PARN: variants seen among roughly 807,000 people sequenced by gnomAD.
PARN encodes poly(A)-specific ribonuclease.
Under a neutral mutation model 102.8 loss-of-function variants are expected in PARN, and 71 were observed. That is an observed-to-expected ratio of 0.69 (90% CI 0.57 to 0.84). The LOEUF is 0.84. Ranked by LOEUF, PARN falls within the 40% of genes least tolerant of loss-of-function variation. The probability of loss-of-function intolerance (pLI) is 0.00; values close to 1 mark genes in which losing one functional copy is unlikely to be tolerated. For missense variants in PARN, 782 were observed against 760.9 expected, an observed-to-expected ratio of 1.03 and a Z score of -0.33; for synonymous variants, 261 against 252.9, an observed-to-expected ratio of 1.03 and a Z score of -0.30.
intron 21 of PARN, among the ~76,000 whole-genome samples, chr16:14,545,306 G>A (rs1966878650): frequency 6.6e-6 from 1 of 152,142 alleles, no homozygotes; most frequent in African/African-American, 2.4e-5. Context: ...GGAAATTCTG[G>A]TAAATTTAAG....
At chr16:14,576,614 T>C (rs753957853) in intron 18 of PARN, among the ~76,000 whole-genome samples, 2 of 152,240 alleles carry the variant, frequency 1.3e-5, no homozygotes, top group Non-Finnish European at 2.9e-5. Context: ...AAGTTTGGTT[T>C]TCAATGCATT....
intron 18 of PARN, among the ~76,000 whole-genome samples, chr16:14,569,756 C>T (rs1054257391): frequency 3.9e-5 from 6 of 151,994 alleles, no homozygotes; most frequent in Admixed American, 3.9e-4. Flanking sequence ...TTAGAGGTAA[C>T]CAGGAGCTGA....
chr16:14,582,193 C>T lies in PARN; in HGVS notation c.1180G>A (p.Ala394Thr), dbSNP rs1969573918. ...ATGTAATGCGTACCTAGGTAATTGG[C>T]CATGGAGATGAAGCACAGCCCTGTG... ...YITGLCFISM[A>T]NYLGSFLSPP... The change falls in exon 17 of 24, where the codon GCC becomes ACC. Residue 394 changes from alanine to threonine, a missense_variant. Coordinates refer to ENST00000437198, the MANE Select transcript of PARN (RefSeq NM_002582.4). The T allele has an allele frequency of 1.9e-6, 3 of 1,603,090 alleles. No individual in the cohort carries two copies. The highest frequency in any genetic ancestry group is 2.6e-6 in the Non-Finnish European group (3 of 1,169,900).
intron 7 of PARN, among the ~76,000 whole-genome samples, chr16:14,609,470 C>T (rs1012198161): frequency 2.6e-5 from 4 of 152,004 alleles, no homozygotes; most frequent in African/African-American, 9.7e-5. Flanking sequence ...ACTCCAGAAG[C>T]GGAGGTGGGA....
intron 13 of PARN, among the ~76,000 whole-genome samples, chr16:14,591,090 A>G (rs760980269): frequency 7.2e-5 from 11 of 152,030 alleles, no homozygotes; most frequent in Non-Finnish European, 1.5e-4. Flanking sequence ...TCTCTATTTT[A>G]TTAAAAAGAT....
chr16:14,560,883 C>T (rs1429936667), intron 18 of PARN, among the ~76,000 whole-genome samples: 2 of 152,210 alleles, frequency 1.3e-5, no homozygotes, highest in Non-Finnish European at 2.9e-5. Flanking sequence ...AGGCCGGGCG[C>T]GGTGGCTCAC....
chr16:14,456,198 C>G (rs979351079), intron 22 of PARN, among the ~76,000 whole-genome samples: 2 of 150,338 alleles, frequency 1.3e-5, no homozygotes, highest in African/African-American at 4.9e-5. Context: ...CTGATGGGGT[C>G]TGGCTCTCTC....
At chr16:14,532,829 C>T (rs568482290) in intron 21 of PARN, among the ~76,000 whole-genome samples, 12 of 150,050 alleles carry the variant, frequency 8.0e-5, no homozygotes, top group Admixed American at 2.7e-4. Context: ...ACCTCCCTCC[C>T]GGACGGGGTG....
intron 21 of PARN, among the ~76,000 whole-genome samples, chr16:14,539,837 G>A (rs945376091): frequency 2.6e-5 from 4 of 152,108 alleles, no homozygotes; most frequent in African/African-American, 7.2e-5. Context: ...CGACTCAGAT[G>A]GAAAATATTT....
intron 10 of PARN, among the ~76,000 whole-genome samples, chr16:14,605,563 T>C (rs1971128905): frequency 6.6e-6 from 1 of 152,230 alleles, no homozygotes; most frequent in Non-Finnish European, 1.5e-5. Context: ...AAACTCTGGA[T>C]TTTCTGCCAA....
chr16:14,610,062 T>C (rs1238414783), intron 7 of PARN, among the ~76,000 whole-genome samples: 1 of 151,798 alleles, frequency 6.6e-6, no homozygotes, highest in Admixed American at 6.6e-5. Context: ...AAAAATAAAA[T>C]AAAATAAAAA....
At chr16:14,604,539 G>C (rs144193959) in intron 10 of PARN, among the ~76,000 whole-genome samples, 2 of 152,186 alleles carry the variant, frequency 1.3e-5, no homozygotes, top group East Asian at 3.9e-4. Flanking sequence ...GGGATTACAG[G>C]TGTGAGCCAC....
chr16:14,463,830 T>G (rs990490256), intron 22 of PARN, among the ~76,000 whole-genome samples: 4 of 112,772 alleles, frequency 3.5e-5, no homozygotes, highest in Non-Finnish European at 6.1e-5. Context: ...AGTCCAAACT[T>G]TTTTTTTTGG....
chr16:14,477,637 G>C (rs560407429), intron 22 of PARN, among the ~76,000 whole-genome samples: 1 of 148,608 alleles, frequency 6.7e-6, no homozygotes, highest in African/African-American at 2.5e-5. Context: ...AAATTAGCTG[G>C]GTATGGTGGT....
In PARN at chr16:14,570,321, C is replaced by CA. The variant is rs59965954; in HGVS notation, c.1262+10552dup. Reference sequence around the variant, plus strand: ...TAGGTGGCAGAGCGAGACTCTGTCTCAAAAAAAAAAAAAAAAAAAAAAAAA... The same window carrying CA: ...TAGGTGGCAGAGCGAGACTCTGTCTCAAAAAAAAAAAAAAAAAAAAAAAAAA... On this transcript the variant is annotated intron_variant, in intron 18 of 23. Coordinates refer to ENST00000437198, the MANE Select transcript of PARN (RefSeq NM_002582.4). Among the ~76,000 whole-genome samples, 124 of 63,052 alleles carry CA rather than the reference C, an allele frequency of 2.0e-3. 5 individuals carry two copies. Among genetic ancestry groups the CA allele is most frequent in the East Asian group, 6.7e-3 (11 of 1,646 alleles). 41.4% of individuals were successfully genotyped at this position (63,052 alleles called of 152,430 possible). A position where few individuals can be genotyped will look rare whatever the true frequency, so the allele number is the denominator to read the frequency against.
At chr16:14,547,791 G>C (rs969530607) in intron 21 of PARN, among the ~76,000 whole-genome samples, 3 of 151,790 alleles carry the variant, frequency 2.0e-5, no homozygotes, top group African/African-American at 7.3e-5. Flanking sequence ...CAGTTAAAAA[G>C]CAACTCCTTA....
intron 6 of PARN, among the ~76,000 whole-genome samples, chr16:14,613,262 T>C (rs1054399288): frequency 2.0e-5 from 3 of 148,504 alleles, no homozygotes; most frequent in Middle Eastern, 3.3e-3. Flanking sequence ...TGAGTCAAGA[T>C]TGCACCATTC....
intron 6 of PARN, among the ~76,000 whole-genome samples, chr16:14,617,066 T>C (rs1971950553): frequency 6.7e-6 from 1 of 149,504 alleles, no homozygotes; most frequent in Admixed American, 6.7e-5. Context: ...TTATGTTTTT[T>C]GTTTTTTTTT....
At chr16:14,485,082 T>C (rs1321526104) in intron 21 of PARN, among the ~76,000 whole-genome samples, 1 of 152,156 alleles carries the variant, frequency 6.6e-6, no homozygotes, top group Non-Finnish European at 1.5e-5. Context: ...AGAATGTTCA[T>C]ATTATACAAT....
Sources: allele counts gnomAD v4.1 joint callset (sites outside exome capture counted in the v4.1 genomes callset), GRCh38; gene constraint gnomAD v4.1.1; transcripts MANE v1.5; gene names NCBI Gene and HGNC (gene_info 2026-07-23, HGNC 2026-07-21).